The following IFT80 variants were observed in gnomAD, a reference collection of about 807,000 sequenced individuals.
The protein encoded by IFT80 is intraflagellar transport protein 80 homolog.
A neutral mutation model predicts 107.9 loss-of-function variants in IFT80; 79 were observed. The observed-to-expected ratio is 0.73, with a 90% CI of 0.61 to 0.88. The LOEUF (loss-of-function observed/expected upper bound fraction) is 0.88, where lower values mean the gene tolerates loss of function less well. IFT80 is among the 40% of genes least tolerant of loss of function. The pLI is 0.00. For missense variants in IFT80, 797 were observed against 914.2 expected (o/e 0.87, Z 1.65); for synonymous variants, 299 against 300.9 (o/e 0.99, Z 0.07).
chr3:160,304,701 C>T (rs527952059), intron 10 of IFT80, among the ~76,000 whole-genome samples: 27 of 152,236 alleles, frequency 1.8e-4, no homozygotes, highest in African/African-American at 6.3e-4. Context: ...TCCCAAAGTG[C>T]TGGGATTACA....
At chr3:160,394,095 C>T (rs1713591330) in intron 1 of IFT80, 1 of 152,226 alleles carries the variant, frequency 6.6e-6, no homozygotes, top group African/African-American at 2.4e-5. Context: ...CATCACAGAA[C>T]TTGCACACTT....
chr3:160,270,777 G>A (rs1398900855), intron 18 of IFT80, among the ~76,000 whole-genome samples: 3 of 152,110 alleles, frequency 2.0e-5, no homozygotes, highest in Non-Finnish European at 4.4e-5. Context: ...TTCCAGTTGT[G>A]TATGTGTGAG....
Position 160,268,479 on chromosome 3 carries a change from A to C in IFT80, c.2157T>G (p.Arg719=). The part of the protein sequence containing the change: ...KTHVDTVLAY[R]QKFLETFGKQ... The stretch of plus-strand genomic sequence containing the variant: ...TACCAAATGTCTCCAAAAACTTTTG[A>C]CGGTAAGCAAGAACTGTATCAACAT... The change falls in exon 19 of 20, where the codon CGT becomes CGG. Residue 719 remains arginine (R), a synonymous_variant. Transcript: ENST00000326448. The C allele has an allele frequency of 6.2e-7, 1 of 1,613,352 alleles. No individual in the cohort carries two copies. The highest frequency in any genetic ancestry group is 8.5e-7 in the Non-Finnish European group (1 of 1,179,396).
At position 160,277,624 on chromosome 3, in the gene IFT80, C is replaced by T. The variant is rs150370681; in HGVS notation, c.1883G>A (p.Arg628Gln). The T allele has an allele frequency of 4.3e-4, 699 of 1,613,656 alleles. No homozygotes were observed. The highest frequency in any genetic ancestry group is 8.3e-4 in the Admixed American group (50 of 59,984). ...GGCTATTTCTGCAGTAGTCATATCT[C>T]GATTAGCAACTGCCATAGCAGCTAG... ...ACLAAMAVAN[R>Q]DMTTAEIAYA... The change falls in exon 17 of 20, where the codon CGA becomes CAA. Residue 628 changes from arginine to glutamine, a missense_variant. Physicochemically the swap from Arg to Gln is conservative, Grantham distance 43 (BLOSUM62 1). Transcript: ENST00000326448.
At chr3:160,344,786 C>T (rs951276462) in intron 8 of IFT80, among the ~76,000 whole-genome samples, 1 of 152,096 alleles carries the variant, frequency 6.6e-6, no homozygotes, top group Non-Finnish European at 1.5e-5. Context: ...GGCAAAAGAT[C>T]TGAATAGACA....
At chr3:160,337,385 G>A (rs1719571257) in intron 8 of IFT80, among the ~76,000 whole-genome samples, 1 of 152,160 alleles carries the variant, frequency 6.6e-6, no homozygotes, top group African/African-American at 2.4e-5. Context: ...CAGCACTGTG[G>A]GAGGCTGAGG....
intron 5 of IFT80, among the ~76,000 whole-genome samples, chr3:160,372,924 T>G (rs141292361): frequency 1.3e-5 from 2 of 152,038 alleles, no homozygotes; most frequent in African/African-American, 4.8e-5. Context: ...AGCATCACCA[T>G]CCCCTCTCTA....
At chr3:160,320,754 G>GAT (rs1015269623) in intron 8 of IFT80, among the ~76,000 whole-genome samples, 32 of 151,246 alleles carry the variant, frequency 2.1e-4, no homozygotes, top group Admixed American at 1.9e-3. Context: ...CTCTCGGCTG[G>GAT]ATATATATAC....
Position 160,257,736 on chromosome 3 carries a change from C to T in IFT80, c.*789G>A, listed in dbSNP as rs895589075. The T allele has an allele frequency of 3.3e-5, 5 of 152,174 alleles. No individual in the cohort carries two copies. The highest frequency in any genetic ancestry group is 1.9e-4 in the East Asian group (1 of 5,202). 9.4% of individuals were successfully genotyped at this position (152,174 alleles called of 1,614,324 possible). A position where few individuals can be genotyped will look rare whatever the true frequency, so the allele number is the denominator to read the frequency against. On this transcript the variant is annotated 3_prime_UTR_variant, in exon 20 of 20. Transcript: ENST00000326448. The stretch of plus-strand genomic sequence containing the variant: ...TCATCCCAAACAGAAACTATGTACT[C>T]GTTAAACAATAACCCCACCCCCCAT...
chr3:160,315,361 AT>A (rs1717738208), intron 9 of IFT80, among the ~76,000 whole-genome samples: 1 of 152,164 alleles, frequency 6.6e-6, no homozygotes, highest in African/African-American at 2.4e-5. Context: ...GTTAATTTAC[AT>A]TGTTAGGGTG....
intron 1 of IFT80, among the ~76,000 whole-genome samples, chr3:160,386,573 T>C (rs930516962): frequency 6.6e-6 from 1 of 152,178 alleles, no homozygotes; most frequent in African/African-American, 2.4e-5. Flanking sequence ...TCAACATTTA[T>C]GAGGCTTGAG....
At chr3:160,334,694 C>T (rs1010220801) in intron 8 of IFT80, among the ~76,000 whole-genome samples, 9 of 152,064 alleles carry the variant, frequency 5.9e-5, no homozygotes, top group African/African-American at 2.2e-4. Context: ...GGATTACAGG[C>T]GTGGGCCACT....
In IFT80 at chr3:160,258,550, C is replaced by T; in HGVS notation, c.2309G>A (p.Ser770Asn). 6.2e-7 allele frequency: 1 copy of T among 1,613,590 alleles called. No homozygotes were observed. ...TTAGGGCTTTAAACCTATACTCTTG[C>T]TGGATTGGCTGCTTGATGATTGCTC... ...EREQSSSSQS[S>N]KSIGLKP Residue 770 changes from serine (S) to asparagine (N), a missense_variant, in exon 20 of 20, where the codon AGC becomes AAC. Coordinates refer to ENST00000326448, the MANE Select transcript of IFT80 (RefSeq NM_020800.3).
intron 9 of IFT80, among the ~76,000 whole-genome samples, chr3:160,313,608 ATTTTT>A: frequency 7.2e-6 from 1 of 139,742 alleles, no homozygotes. Context: ...TCTGTGCTGA[ATTTTT>A]TTTTTTTTTT....
At chr3:160,331,775 T>C (rs1253612791) in intron 8 of IFT80, among the ~76,000 whole-genome samples, 1 of 152,114 alleles carries the variant, frequency 6.6e-6, no homozygotes, top group African/African-American at 2.4e-5. Flanking sequence ...TCCTCCCACC[T>C]CAGCATCCTG....
Position 160,269,499 on chromosome 3 carries a change from T to C in IFT80, c.2100-963A>G, listed in dbSNP as rs900396454. ...TTTAAGTTTTATAATTCAATCAATATTTATGCAAGTTATTTTTAAAGTAAT... is the reference window on the plus strand; with the variant it reads ...TTTAAGTTTTATAATTCAATCAATACTTATGCAAGTTATTTTTAAAGTAAT... On this transcript the variant is annotated intron_variant, in intron 18 of 19. Coordinates refer to ENST00000326448, the MANE Select transcript of IFT80 (RefSeq NM_020800.3). 4.5e-4 allele frequency among the ~76,000 whole-genome samples: 69 copies of C among 152,218 alleles called. 1 individual carries two copies. Among genetic ancestry groups the C allele is most frequent in the Admixed American group, 2.5e-3 (38 of 15,284 alleles).
chr3:160,345,719 A>G (rs983616995), intron 8 of IFT80, among the ~76,000 whole-genome samples: 2 of 150,142 alleles, frequency 1.3e-5, no homozygotes, highest in Non-Finnish European at 3.0e-5. Flanking sequence ...AAAAAAGAGA[A>G]GGATGGTTAT....
chr3:160,355,603 C>G (rs7614701), intron 8 of IFT80, among the ~76,000 whole-genome samples: 1 of 151,332 alleles, frequency 6.6e-6, no homozygotes, highest in Non-Finnish European at 1.5e-5. Context: ...TAATTTCTTA[C>G]GCAAAATATG....
intron 8 of IFT80, among the ~76,000 whole-genome samples, chr3:160,335,277 T>C (rs1279524307): frequency 1.3e-5 from 2 of 151,046 alleles, no homozygotes; most frequent in Non-Finnish European, 3.0e-5. Context: ...GTCACCCAGG[T>C]TTGAGTGCGG....
Sources: allele counts gnomAD v4.1 joint callset (sites outside exome capture counted in the v4.1 genomes callset), GRCh38; gene constraint gnomAD v4.1.1; transcripts MANE v1.5; gene names NCBI Gene and HGNC (gene_info 2026-07-23, HGNC 2026-07-21).